Variants in SGO2 observed in about 807,000 individuals in gnomAD.
The protein encoded by SGO2 is shugoshin-like 2.
SGO2 carries 68 observed loss-of-function variants against 99.5 expected under a neutral mutation model. That is an observed-to-expected ratio of 0.68 (90% CI 0.56 to 0.84). SGO2 has a LOEUF of 0.84. Among genes scored for constraint, SGO2 ranks in the 40% least tolerant of loss-of-function variants. The probability of loss-of-function intolerance (pLI) is 0.00; values close to 1 mark genes in which losing one functional copy is unlikely to be tolerated. For synonymous variants in SGO2, 457 were observed against 487.1 expected (o/e 0.94, Z 0.81); for missense variants, 1,350 against 1,436.7 (o/e 0.94, Z 0.97).
chr2:200,539,274 A>C (rs903300027), intron 4 of SGO2, among the ~76,000 whole-genome samples: 2 of 151,944 alleles, frequency 1.3e-5, no homozygotes, highest in Non-Finnish European at 2.9e-5. Flanking sequence ...TATCTGTTTC[A>C]TCTAAGTTTT....
At chr2:200,555,805 A>G (rs1316349476) in intron 5 of SGO2, among the ~76,000 whole-genome samples, 2 of 152,208 alleles carry the variant, frequency 1.3e-5, no homozygotes, top group Admixed American at 6.5e-5. Flanking sequence ...AGATAACACA[A>G]TGTGAAACAG....
Position 200,547,362 on chromosome 2 carries a change from A to T in SGO2, c.473+4698A>T, listed in dbSNP as rs537688751. On this transcript the variant is annotated intron_variant, in intron 5 of 8. Transcript: ENST00000357799. ...CTGAGGAAATTCACCACCACCAAGG[A>T]CCATCTTGTGAGAAATGCAGAAGGG... Among the ~76,000 whole-genome samples the T allele has an allele frequency of 1.5e-3, 230 of 152,332 alleles. 1 individual carries two copies. Among genetic ancestry groups the T allele is most frequent in the African/African-American group, 5.2e-3 (216 of 41,576 alleles).
At position 200,572,869 on chromosome 2, in the gene SGO2, C is replaced by G. The variant is rs2033500212; in HGVS notation, c.2523C>G (p.Phe841Leu). The G allele has an allele frequency of 1.9e-6, 3 of 1,595,176 alleles. No individual in the cohort carries two copies. The highest frequency in any genetic ancestry group is 2.6e-6 in the Non-Finnish European group (3 of 1,174,316). ...TACATGACCTAGAAAAAGATAACTT[C>G]TTCTCTCTAACCCCAAAGGATAAAG... is the stretch of plus-strand genomic sequence containing the variant. ...KGVHDLEKDN[F>L]FSLTPKDKET... The change falls in exon 7 of 9, where the codon TTC becomes TTG. Residue 841 changes from phenylalanine (F) to leucine (L), a missense_variant. By Grantham distance (22) the Phe-to-Leu change is conservative. Coordinates refer to ENST00000357799, the MANE Select transcript of SGO2 (RefSeq NM_152524.6).
At chr2:200,578,704 T>A (rs1369998644) in intron 8 of SGO2, among the ~76,000 whole-genome samples, 1 of 152,200 alleles carries the variant, frequency 6.6e-6, no homozygotes, top group African/African-American at 2.4e-5. Context: ...TAGAGTCTTA[T>A]ATAACAAAAT....
Position 200,575,460 on chromosome 2 carries a change from G to A in SGO2, c.3781G>A (p.Asp1261Asn). Residue 1261 changes from aspartate (D) to asparagine (N), a missense_variant and splice_region_variant, in exon 8 of 9, where the codon GAC becomes AAC. Physicochemically the swap from Asp to Asn is conservative, Grantham distance 23. Coordinates refer to ENST00000357799, the MANE Select transcript of SGO2 (RefSeq NM_152524.6). ...PFYFKEPSLR[D>N]KMRR ...CTATTTTAAAGAGCCAAGCCTCAGA[G>A]AGTAAGTATTTCAAATGATTTTAGT... 1 of 1,561,896 alleles carries A rather than the reference G, an allele frequency of 6.4e-7. No individual in the cohort carries two copies. The highest frequency in any genetic ancestry group is 8.7e-7 in the Non-Finnish European group (1 of 1,150,738).
At position 200,535,137 on chromosome 2, in the gene SGO2, A is replaced by G; in HGVS notation, c.275A>G (p.Glu92Gly). ...AAAGAAGTAGAGAAACTGAATTTTG[A>G]GAACACATTTCTTCGCCTAAAGCTA... ...LQKEVEKLNF[E>G]NTFLRLKLNN... Residue 92 changes from glutamate (E) to glycine (G), a missense_variant, in exon 3 of 9, where the codon GAG (glutamate) becomes GGG (glycine). Coordinates refer to ENST00000357799, the MANE Select transcript of SGO2 (RefSeq NM_152524.6). 2.0e-6 allele frequency: 3 copies of G among 1,534,318 alleles called. No homozygotes were observed. The highest frequency in any genetic ancestry group is 2.6e-6 in the Non-Finnish European group (3 of 1,152,338).
At chr2:200,550,881 A>G (rs916908985) in intron 5 of SGO2, among the ~76,000 whole-genome samples, 6 of 152,160 alleles carry the variant, frequency 3.9e-5, no homozygotes, top group Non-Finnish European at 1.5e-5. Context: ...AACGGAAACA[A>G]TCAACAAAGT....
At position 200,573,234 on chromosome 2, in the gene SGO2, T is replaced by C. The variant is rs1340298129; in HGVS notation, c.2888T>C (p.Met963Thr). The C allele has an allele frequency of 4.4e-6, 7 of 1,589,524 alleles. No individual in the cohort carries two copies. The African/African-American group carries it at 5.5e-5, about 12-fold the overall frequency. ...ECQDIINKHY[M>T]EVNSNEKESC... The stretch of plus-strand genomic sequence containing the variant: ...CAAGACATTATCAATAAACACTATA[T>C]GGAAGTCAACAGTAATGAAAAGGAA... The change falls in exon 7 of 9, where the codon ATG (methionine) becomes ACG (threonine). Residue 963 changes from methionine (M) to threonine (T), a missense_variant. Transcript: ENST00000357799.
Position 200,571,654 on chromosome 2 carries a change from T to C in SGO2, c.1308T>C (p.Ser436=). The C allele has an allele frequency of 6.2e-7, 1 of 1,613,586 alleles. No homozygotes were observed. Among genetic ancestry groups the C allele is most frequent in the Non-Finnish European group, 8.5e-7 (1 of 1,179,702 alleles). ...AGATTGAAAACAGGACAGAAAGATC[T>C]GATGTCCTGGATGGCAAAAGGGGTG... ...GEKIENRTER[S]DVLDGKRGAE... is the part of the protein sequence containing the mutation. The change falls in exon 7 of 9, where the codon TCT becomes TCC. Residue 436 remains serine, a synonymous_variant. Transcript: ENST00000357799.
rs941304284 is a variant in SGO2 at position 200,571,175 on chromosome 2, G to A, written c.829G>A (p.Gly277Arg). The A allele has an allele frequency of 5.6e-6, 9 of 1,613,614 alleles. No homozygotes were observed. Among genetic ancestry groups the A allele is most frequent in the Admixed American group, 1.7e-5 (1 of 59,974 alleles). The change falls in exon 7 of 9, where the codon GGG becomes AGG. Residue 277 changes from glycine (G) to arginine (R), a missense_variant. Physicochemically the swap from Gly to Arg is moderately radical, Grantham distance 125 (BLOSUM62 -2). Coordinates refer to ENST00000357799, the MANE Select transcript of SGO2 (RefSeq NM_152524.6). ...TAATGTGACTGAAAGGAAGAAGCGTGGGTCATCTTGGGAATCAAATAATCT... is the reference window on the plus strand; with the variant it reads ...TAATGTGACTGAAAGGAAGAAGCGTAGGTCATCTTGGGAATCAAATAATCT... ...PSNVTERKKRGSSWESNNLSA... is the reference protein window; with the variant it reads ...PSNVTERKKRRSSWESNNLSA...
intron 5 of SGO2, among the ~76,000 whole-genome samples, chr2:200,563,306 T>A (rs1410447754): frequency 6.6e-6 from 1 of 152,362 alleles, no homozygotes; most frequent in Admixed American, 6.5e-5. Context: ...TCTGCATCTA[T>A]GGAGATAATC....
At position 200,570,552 on chromosome 2, in the gene SGO2, TAC is replaced by T. The variant is rs34799458; in HGVS notation, c.704-492_704-491del. Among the ~76,000 whole-genome samples, 32,653 of 150,268 alleles carry T rather than the reference TAC, an allele frequency of 0.22. 3,784 individuals are homozygous for T. The highest frequency in any genetic ancestry group is 0.3 in the Middle Eastern group (84 of 284). ...TATAATATATACACACACACATATA[TAC>T]ACACATATATATGGTATACATATAA... On this transcript the variant is annotated intron_variant, in intron 6 of 8. Coordinates refer to ENST00000357799, the MANE Select transcript of SGO2 (RefSeq NM_152524.6). This position sits in a 1 kb window ranked among gnomAD's most constrained non-coding sequence, Gnocchi z 4.4.
chr2:200,546,651 A>G (rs1181265927), intron 5 of SGO2, among the ~76,000 whole-genome samples: 3 of 152,146 alleles, frequency 2.0e-5, no homozygotes, highest in African/African-American at 7.2e-5. Context: ...TCAGAAATTT[A>G]TCAGAGAAAT....
chr2:200,540,722 G>GT (rs2031924487), intron 4 of SGO2, among the ~76,000 whole-genome samples: 2 of 152,158 alleles, frequency 1.3e-5, no homozygotes, highest in Non-Finnish European at 2.9e-5. Flanking sequence ...GTATTATGAT[G>GT]TTTTTACATC....
At chr2:200,561,520 C>T (rs976959399) in intron 5 of SGO2, among the ~76,000 whole-genome samples, 5 of 152,114 alleles carry the variant, frequency 3.3e-5, no homozygotes, top group African/African-American at 9.7e-5. Context: ...AATAAACATA[C>T]GTGTGCATGT....
At chr2:200,564,846 G>A (rs1012462422) in intron 5 of SGO2, among the ~76,000 whole-genome samples, 2 of 151,996 alleles carry the variant, frequency 1.3e-5, no homozygotes, top group African/African-American at 4.8e-5. Flanking sequence ...GATCTTTGTT[G>A]GTTTAAAGTC....
chr2:200,572,480 C>G lies in SGO2; in HGVS notation c.2134C>G (p.Leu712Val), dbSNP rs1033349764. ...AAATGAATCAAAAGTTAATAAGAAG[C>G]TTAGGCAGAAAGTAAATCGGAAGAC... is the stretch of plus-strand genomic sequence containing the variant. ...QQNESKVNKK[L>V]RQKVNRKTEI... Residue 712 changes from leucine (L) to valine (V), a missense_variant, in exon 7 of 9, where the codon CTT (leucine) becomes GTT (valine). Coordinates refer to ENST00000357799, the MANE Select transcript of SGO2 (RefSeq NM_152524.6). 1 of 1,612,990 alleles carries G rather than the reference C, an allele frequency of 6.2e-7. No individual in the cohort carries two copies.
chr2:200,531,110 AG>A (rs2031355729), intron 1 of SGO2, among the ~76,000 whole-genome samples: 2 of 152,068 alleles, frequency 1.3e-5, no homozygotes, highest in Admixed American at 6.5e-5. Context: ...GATGTCTTTA[AG>A]GAGGCAGGAA....
At chr2:200,566,347 G>A (rs1574870268) in intron 5 of SGO2, among the ~76,000 whole-genome samples, 1 of 152,174 alleles carries the variant, frequency 6.6e-6, no homozygotes, top group East Asian at 1.9e-4. Context: ...TCCAGACCCT[G>A]TTTGCCTGGG....
Sources: gnomAD v4.1 joint callset for allele counts (sites outside exome capture counted in the v4.1 genomes callset) on GRCh38, gnomAD v4.1.1 for gene constraint, Gnocchi (gnomAD v3.1) non-coding constraint, MANE v1.5 for transcripts, NCBI Gene and HGNC (gene_info 2026-07-23, HGNC 2026-07-21) for gene names.